The following TMEM50A variants were observed in gnomAD, a reference collection of about 807,000 sequenced individuals.
TMEM50A encodes the protein cervical cancer oncogene 9.
TMEM50A carries 8 observed loss-of-function variants against 23.9 expected under a neutral mutation model. The ratio of observed to expected loss-of-function variants is 0.33; its 90% CI spans 0.20 to 0.60. The LOEUF is 0.60. Ranked by LOEUF, TMEM50A falls within the 20% of genes least tolerant of loss-of-function variation. The pLI is 0.81. For synonymous variants in TMEM50A, 55 were observed against 60.4 expected (o/e 0.91, Z 0.41); for missense variants, 178 against 192.7 (o/e 0.92, Z 0.45).
intron 6 of TMEM50A, among the ~76,000 whole-genome samples, chr1:25,357,528 A>AGTGTGTGTGTGTGTGTGT (rs58801158): frequency 1.6e-4 from 22 of 139,658 alleles, no homozygotes; most frequent in African/African-American, 5.7e-4. Flanking sequence ...CTGCATCAGG[A>AGTGTGTGTGTGTGTGTGT]GTGTGTGTGT....
At chr1:25,341,787 C>T (rs914013450) in intron 2 of TMEM50A, among the ~76,000 whole-genome samples, 7 of 152,268 alleles carry the variant, frequency 4.6e-5, no homozygotes, top group Admixed American at 3.3e-4. Flanking sequence ...CTCGACCTCC[C>T]GGGCTCAGGT....
chr1:25,342,870 T>C, intron 2 of TMEM50A, 91 bp from the exon 3 acceptor site: 1 of 992,972 alleles, frequency 1.0e-6, no homozygotes, highest in Non-Finnish European at 1.5e-6. Flanking sequence ...TTGAAATGTA[T>C]TAAAAGGGAT....
intron 5 of TMEM50A, among the ~76,000 whole-genome samples, chr1:25,354,975 TTGGCCAGGC>T: frequency 6.6e-6 from 1 of 152,280 alleles, no homozygotes; most frequent in Non-Finnish European, 1.5e-5. Flanking sequence ...TTCTGCCATG[TTGGCCAGGC>T]TGGTCTTGAA....
At chr1:25,341,616 TG>T (rs922270638) in intron 2 of TMEM50A, among the ~76,000 whole-genome samples, 23 of 152,178 alleles carry the variant, frequency 1.5e-4, no homozygotes, top group African/African-American at 4.8e-4. Flanking sequence ...CGACCTCAGA[TG>T]ATCTGTCTGC....
At chr1:25,350,666 G>A (rs1478057619) in intron 3 of TMEM50A, among the ~76,000 whole-genome samples, 2 of 152,034 alleles carry the variant, frequency 1.3e-5, no homozygotes, top group Non-Finnish European at 2.9e-5. Context: ...GGGATTATAG[G>A]CATGAACCAC....
At chr1:25,341,242 G>T (rs938510439) in intron 2 of TMEM50A, among the ~76,000 whole-genome samples, 8 of 151,794 alleles carry the variant, frequency 5.3e-5, no homozygotes, top group Non-Finnish European at 8.8e-5. Context: ...TTGTTTTTTT[G>T]TTGTTGTTGT....
intron 1 of TMEM50A, chr1:25,338,769 A>G (rs1645131743): frequency 6.6e-6 from 1 of 152,154 alleles, no homozygotes; most frequent in South Asian, 2.1e-4. Flanking sequence ...GCCCCGAGAA[A>G]GGAGCGTGAC....
chr1:25,341,779 C>T (rs933111883), intron 2 of TMEM50A, among the ~76,000 whole-genome samples: 6 of 152,290 alleles, frequency 3.9e-5, no homozygotes, highest in Middle Eastern at 6.8e-3. Context: ...ATTGCAACCT[C>T]GACCTCCCGG....
intron 6 of TMEM50A, among the ~76,000 whole-genome samples, chr1:25,358,237 G>A (rs563799458): frequency 1.4e-4 from 21 of 152,224 alleles, no homozygotes; most frequent in African/African-American, 2.4e-4. Flanking sequence ...ATGAGCCACC[G>A]TGCCTGGCCA....
intron 1 of TMEM50A, 147 bp from the exon 2 acceptor site, chr1:25,340,327 C>A (rs766361277): frequency 4.9e-5 from 27 of 548,554 alleles, no homozygotes; most frequent in Non-Finnish European, 7.4e-5. Context: ...AAAACTAAAT[C>A]AAATATTCTG....
intron 6 of TMEM50A, among the ~76,000 whole-genome samples, chr1:25,357,242 T>C (rs1424658609): frequency 6.6e-6 from 1 of 152,230 alleles, no homozygotes; most frequent in East Asian, 1.9e-4. Context: ...TCTTCTGTCC[T>C]TGATATCGTA....
intron 2 of TMEM50A, among the ~76,000 whole-genome samples, chr1:25,342,245 A>G (rs963891835): frequency 1.3e-5 from 2 of 152,158 alleles, no homozygotes; most frequent in East Asian, 1.9e-4. Flanking sequence ...TAGGAAAGGA[A>G]AGGGGGTTAC....
intron 2 of TMEM50A, among the ~76,000 whole-genome samples, chr1:25,341,814 C>G (rs1034993627): frequency 6.6e-6 from 1 of 152,138 alleles, no homozygotes; most frequent in African/African-American, 2.4e-5. Context: ...CCCACCTCAG[C>G]CTCCGGAGTA....
At chr1:25,352,802 T>G in intron 4 of TMEM50A, 80 bp from the exon 5 acceptor site, 8 of 1,332,178 alleles carry the variant, frequency 6.0e-6, no homozygotes, top group Non-Finnish European at 8.3e-6. Context: ...TTTTTTTCTG[T>G]TTGGGTTTTA....
chr1:25,353,117 A>G, intron 5 of TMEM50A, 143 bp downstream of exon 5: 1 of 626,312 alleles, frequency 1.6e-6, no homozygotes. Flanking sequence ...CCCACCCTCC[A>G]CCGACAGTGT....
At chr1:25,351,330 A>G (rs957881062) in intron 3 of TMEM50A, among the ~76,000 whole-genome samples, 1 of 152,102 alleles carries the variant, frequency 6.6e-6, no homozygotes, top group Non-Finnish European at 1.5e-5. Context: ...CAACATAGCA[A>G]GACTTTGTCT....
intron 3 of TMEM50A, among the ~76,000 whole-genome samples, chr1:25,347,297 A>G (rs1255699165): frequency 2.6e-5 from 4 of 151,200 alleles, no homozygotes; most frequent in African/African-American, 4.9e-5. Flanking sequence ...GTGCAGTGGC[A>G]TGATCTCGGT....
chr1:25,342,601 G>T, intron 2 of TMEM50A: 1 of 154,586 alleles, frequency 6.5e-6, no homozygotes, highest in South Asian at 2.0e-4. Flanking sequence ...TATTTCTCTG[G>T]AAGTTTATCA....
chr1:25,342,235 T>C (rs776329431), intron 2 of TMEM50A, among the ~76,000 whole-genome samples: 1 of 152,144 alleles, frequency 6.6e-6, no homozygotes, highest in Non-Finnish European at 1.5e-5. Context: ...GGTGTGGGGA[T>C]AGGAAAGGAA....
Sources: allele counts gnomAD v4.1 joint callset (sites outside exome capture counted in the v4.1 genomes callset), GRCh38; gene constraint gnomAD v4.1.1; transcripts MANE v1.5; gene names NCBI Gene and HGNC (gene_info 2026-07-23, HGNC 2026-07-21).